RSPH14: variants seen among roughly 807,000 people sequenced by gnomAD.
The protein encoded by RSPH14 is rhabdoid tumor deletion region gene 1.
Under a neutral mutation model 26.7 loss-of-function variants are expected in RSPH14, and 20 were observed. The ratio of observed to expected loss-of-function variants is 0.75; its 90% CI spans 0.53 to 1.09. The LOEUF (loss-of-function observed/expected upper bound fraction) is 1.09. Among genes scored for constraint, RSPH14 ranks in the 50% least tolerant of loss-of-function variants. The pLI is 0.00. For synonymous variants in RSPH14, 177 were observed against 189.3 expected, an observed-to-expected ratio of 0.93 and a Z score of 0.53; for missense variants, 449 against 457.2, an observed-to-expected ratio of 0.98 and a Z score of 0.16.
chr22:23,124,180 C>T, intron 4 of RSPH14: 3 of 217,804 alleles, frequency 1.4e-5, no homozygotes, highest in South Asian at 4.6e-5. Flanking sequence ...CCTGGTTTTC[C>T]TTCTCTGACA....
At chr22:23,157,791 G>A in the RSPH14 span, among the ~76,000 whole-genome samples, 1 of 152,196 alleles carries the variant, frequency 6.6e-6, no homozygotes, top group African/African-American at 2.4e-5. Context: ...AGGCTGGGCT[G>A]CCGGGTGCAG....
the RSPH14 span, among the ~76,000 whole-genome samples, chr22:23,156,758 T>C: frequency 6.6e-6 from 1 of 152,204 alleles, no homozygotes; most frequent in African/African-American, 2.4e-5. Flanking sequence ...CAGCCGTGGG[T>C]TGGAGCTCCA....
At chr22:23,080,911 A>T (rs2068658934) in intron 4 of RSPH14, among the ~76,000 whole-genome samples, 1 of 152,236 alleles carries the variant, frequency 6.6e-6, no homozygotes, top group Admixed American at 6.5e-5. Flanking sequence ...GGCTTGTGTC[A>T]GTACAGGGTT....
the RSPH14 span, among the ~76,000 whole-genome samples, chr22:23,155,675 T>A: frequency 6.6e-6 from 1 of 152,246 alleles, no homozygotes; most frequent in Admixed American, 6.5e-5. Flanking sequence ...TCCATTTTAA[T>A]GTCTCAGTCA....
chr22:23,095,498 C>G (rs896548088), intron 4 of RSPH14: 1 of 620,118 alleles, frequency 1.6e-6, no homozygotes, highest in Non-Finnish European at 2.8e-6. Context: ...GGCCACCGCC[C>G]GCTGCACAGA....
chr22:23,077,911 A>G (rs1053735472), intron 4 of RSPH14, among the ~76,000 whole-genome samples: 1 of 152,092 alleles, frequency 6.6e-6, no homozygotes, highest in Non-Finnish European at 1.5e-5. Context: ...CCCTACCCCT[A>G]ACTGTGGCCA....
chr22:23,156,168 C>T, the RSPH14 span: 2 of 521,048 alleles, frequency 3.8e-6, no homozygotes, highest in South Asian at 4.8e-5. Flanking sequence ...AACACCAGGC[C>T]ACTGCTTGGG....
intron 4 of RSPH14, among the ~76,000 whole-genome samples, chr22:23,126,006 G>T (rs1220526960): frequency 1.3e-5 from 2 of 152,166 alleles, no homozygotes; most frequent in Non-Finnish European, 2.9e-5. Context: ...CTAAGCCCAC[G>T]CAGGGACTCC....
the RSPH14 span, among the ~76,000 whole-genome samples, chr22:23,176,014 G>A: frequency 2.4e-4 from 37 of 152,288 alleles, 1 homozygote; most frequent in South Asian, 5.8e-3. Flanking sequence ...CCAGCCTCAC[G>A]CAGGCAGGGG....
rs1372580289 is a variant in RSPH14, at chr22:23,071,486, CT to C, written c.422-7354del. On this transcript the variant is annotated intron_variant, in intron 4 of 6. Transcript: ENST00000216036. The surrounding 1 kb of genome is among the most constrained non-coding windows in gnomAD (Gnocchi z 4.1). The stretch of plus-strand genomic sequence containing the variant: ...AGACAGCTGAGCCCCTGACCGGCTC[CT>C]TTCTGCCCAAGTGATTTCCCTGCCC... 6.6e-6 allele frequency among the ~76,000 whole-genome samples: 1 copy of C among 152,212 alleles called. No homozygotes were observed. The highest frequency in any genetic ancestry group is 1.5e-5 in the Non-Finnish European group (1 of 68,024).
intron 4 of RSPH14, chr22:23,132,599 A>C (rs2070377923): frequency 6.6e-6 from 1 of 151,240 alleles, no homozygotes; most frequent in Non-Finnish European, 1.5e-5. Flanking sequence ...ATACTACTAC[A>C]CACCCACCAA....
At chr22:23,074,692 C>G (rs1274353590) in intron 4 of RSPH14, among the ~76,000 whole-genome samples, 3 of 152,120 alleles carry the variant, frequency 2.0e-5, no homozygotes, top group Admixed American at 2.0e-4. Flanking sequence ...TGAGAAGCAT[C>G]GAGAAAGAGA....
intron 4 of RSPH14, among the ~76,000 whole-genome samples, chr22:23,112,525 G>A (rs926296784): frequency 1.7e-4 from 26 of 152,184 alleles, no homozygotes; most frequent in Admixed American, 6.5e-4. Flanking sequence ...CTGTGGCCAC[G>A]GCAGGAGGGC....
chr22:23,169,919 C>T, the RSPH14 span, among the ~76,000 whole-genome samples: 2 of 151,796 alleles, frequency 1.3e-5, no homozygotes, highest in African/African-American at 2.4e-5. Context: ...GGCAACATGG[C>T]AAAACTGTCT....
chr22:23,161,679 GC>G, the RSPH14 span: 1 of 954,890 alleles, frequency 1.0e-6, no homozygotes, highest in Non-Finnish European at 1.5e-6. Flanking sequence ...CAAGCTGTAG[GC>G]CCATGTTCCA....
At chr22:23,143,036 T>C (rs1392650061), upstream of RSPH14, among the ~76,000 whole-genome samples, 2 of 152,106 alleles carry the variant, frequency 1.3e-5, no homozygotes, top group African/African-American at 4.8e-5. Flanking sequence ...ACCTTCCTTC[T>C]CCCTGAAGGA....
intron 2 of RSPH14, among the ~76,000 whole-genome samples, chr22:23,139,271 A>C (rs551444445): frequency 6.6e-6 from 1 of 152,252 alleles, no homozygotes; most frequent in Non-Finnish European, 1.5e-5. Context: ...CCTGTGTCAA[A>C]CTAGTCATAT....
intron 4 of RSPH14, among the ~76,000 whole-genome samples, chr22:23,080,554 T>C (rs2068647832): frequency 6.6e-6 from 1 of 152,214 alleles, no homozygotes; most frequent in Non-Finnish European, 1.5e-5. Context: ...AAGGAGGACC[T>C]GTTTCTAAGG....
chr22:23,089,306 G>A (rs1399211153), intron 4 of RSPH14, among the ~76,000 whole-genome samples: 3 of 152,178 alleles, frequency 2.0e-5, no homozygotes, highest in Non-Finnish European at 4.4e-5. Flanking sequence ...TGCTGTGCTG[G>A]CTGTTGTGGA....
Sources: gnomAD v4.1 joint callset for allele counts (sites outside exome capture counted in the v4.1 genomes callset) on GRCh38, gnomAD v4.1.1 for gene constraint, Gnocchi (gnomAD v3.1) non-coding constraint, MANE v1.5 for transcripts, NCBI Gene and HGNC (gene_info 2026-07-23, HGNC 2026-07-21) for gene names.